MZT2A: variants seen among roughly 807,000 people sequenced by gnomAD.
The protein encoded by MZT2A is mitotic-spindle organizing protein 2A.
In MZT2A, 8 loss-of-function variants were observed where a neutral mutation model predicts 12.4. The observed-to-expected ratio is 0.64, with a 90% CI of 0.38 to 1.16. MZT2A has a LOEUF of 1.16. Ranked by LOEUF, MZT2A falls within the 50% of genes most tolerant of loss-of-function variation. The pLI is 0.01. For missense variants in MZT2A, 181 were observed against 223.6 expected, an observed-to-expected ratio of 0.81 and a Z score of 1.22; for synonymous variants, 88 against 107.5, an observed-to-expected ratio of 0.82 and a Z score of 1.12.
At chr2:131,491,650 C>G in intron 2 of MZT2A, 2 of 775,732 alleles carry the variant, frequency 2.6e-6, no homozygotes, top group Non-Finnish European at 4.0e-6. Flanking sequence ...CCAGCCTGGA[C>G]CACCCTGGGG....
At chr2:131,479,909 G>C (rs1271504246), downstream of MZT2A, among the ~76,000 whole-genome samples, 1 of 152,160 alleles carries the variant, frequency 6.6e-6, no homozygotes, top group Non-Finnish European at 1.5e-5. Flanking sequence ...TTTGTCCGTA[G>C]ATCTTTGCTT....
At chr2:131,480,145 C>T, downstream of MZT2A, 1 of 1,613,862 alleles carries the variant, frequency 6.2e-7, no homozygotes, top group Non-Finnish European at 8.5e-7. Context: ...GGGTTCGCAT[C>T]TCTGCTCATG....
At chr2:131,481,624 G>A (rs1678869790), downstream of MZT2A, among the ~76,000 whole-genome samples, 1 of 151,966 alleles carries the variant, frequency 6.6e-6, no homozygotes, top group African/African-American at 2.4e-5. Flanking sequence ...TAGTAGAGAT[G>A]GGATTTTGCC....
Position 131,492,224 on chromosome 2 carries a change from G to A in MZT2A, c.153C>T (p.Ile51=). The change falls in exon 1 of 3, where the codon ATC becomes ATT. Residue 51 remains isoleucine, a synonymous_variant. Transcript: ENST00000309451. The stretch of plus-strand genomic sequence containing the variant: ...CCGCTCACTTGAACACGTCGGGGTC[G>A]ATACCGCCGCCCGCCGCCTGAGCCA... ...YELAQAAGGG[I]DPDVFKILVD... is the part of the protein sequence containing the mutation. 6.3e-7 allele frequency: 1 copy of A among 1,582,262 alleles called. No individual in the cohort carries two copies. Among genetic ancestry groups the A allele is most frequent in the African/African-American group, 1.3e-5 (1 of 74,144 alleles).
At chr2:131,481,984 T>G (rs1394079427), downstream of MZT2A, among the ~76,000 whole-genome samples, 1 of 152,244 alleles carries the variant, frequency 6.6e-6, no homozygotes, top group Non-Finnish European at 1.5e-5. Flanking sequence ...GCTTCCCCTT[T>G]GGTTACCACC....
At chr2:131,486,859 A>G (rs1475837199) in intron 2 of MZT2A, among the ~76,000 whole-genome samples, 2 of 152,170 alleles carry the variant, frequency 1.3e-5, no homozygotes, top group Non-Finnish European at 2.9e-5. Context: ...ACCGTAAGCC[A>G]TAACTGATAT....
intron 2 of MZT2A, among the ~76,000 whole-genome samples, chr2:131,487,067 T>C (rs1679079268): frequency 1.3e-5 from 2 of 152,124 alleles, no homozygotes; most frequent in South Asian, 4.1e-4. Context: ...GACAGTGGGA[T>C]TGAACCAAGT....
intron 2 of MZT2A, among the ~76,000 whole-genome samples, chr2:131,486,128 G>A (rs1045093748): frequency 6.6e-6 from 1 of 150,892 alleles, no homozygotes; most frequent in Non-Finnish European, 1.5e-5. Context: ...CCAAGGAGGA[G>A]CGCAGTCAGG....
At chr2:131,476,401 A>G (rs1450941116) in intron 2 of MZT2A, among the ~76,000 whole-genome samples, 1 of 152,156 alleles carries the variant, frequency 6.6e-6, no homozygotes, top group East Asian at 1.9e-4. Flanking sequence ...TTTGTTTTAG[A>G]TGAAGCTGCC....
upstream of MZT2A, chr2:131,492,463 TGG>T (rs1344104718): frequency 8.6e-7 from 1 of 1,166,810 alleles, no homozygotes; most frequent in African/African-American, 1.6e-5. Context: ...CGCCAGCGTC[TGG>T]CCTCCCGGGC....
intron 2 of MZT2A, chr2:131,490,148 C>T (rs1679230013): frequency 5.8e-6 from 4 of 687,842 alleles, no homozygotes; most frequent in Non-Finnish European, 3.6e-6. Context: ...ACCAAAGACC[C>T]CTGGGCTCTC....
chr2:131,481,434 A>C (rs1678862148), downstream of MZT2A, among the ~76,000 whole-genome samples: 1 of 111,600 alleles, frequency 9.0e-6, no homozygotes, highest in African/African-American at 4.8e-5. Flanking sequence ...ATGCCCGGGT[A>C]ATTTTTTTTT....
chr2:131,487,881 C>T (rs1342045857), intron 2 of MZT2A, among the ~76,000 whole-genome samples: 1 of 152,208 alleles, frequency 6.6e-6, no homozygotes, highest in Non-Finnish European at 1.5e-5. Context: ...ATCCTCCAAC[C>T]TCAGCCTCCC....
chr2:131,479,799 T>C (rs7424497), downstream of MZT2A, among the ~76,000 whole-genome samples: 25,825 of 152,000 alleles, frequency 0.17, 3,997 homozygotes, highest in African/African-American at 0.41. Context: ...GAGATTGCAC[T>C]ACTGCACTCT....
chr2:131,487,270 A>G (rs1325169532), intron 2 of MZT2A, among the ~76,000 whole-genome samples: 1 of 152,174 alleles, frequency 6.6e-6, no homozygotes, highest in Non-Finnish European at 1.5e-5. Flanking sequence ...CTTTGAGGCC[A>G]GGAGCTAGAG....
upstream of MZT2A, chr2:131,492,553 C>A: frequency 8.8e-7 from 1 of 1,140,392 alleles, no homozygotes; most frequent in Non-Finnish European, 1.1e-6. Context: ...TTAGTGGGCG[C>A]TCACGGTGTG....
upstream of MZT2A, chr2:131,492,946 C>T (rs1679410050): frequency 1.4e-5 from 22 of 1,525,058 alleles, 1 homozygote; most frequent in South Asian, 1.7e-4. Context: ...CTCGCCATTT[C>T]CCCTCCCTGG....
At chr2:131,482,874 T>G, downstream of MZT2A, 1 of 1,601,650 alleles carries the variant, frequency 6.2e-7, no homozygotes. Context: ...GGTTCTCCCC[T>G]GCCACCCCCG....
intron 2 of MZT2A, among the ~76,000 whole-genome samples, chr2:131,477,163 G>A (rs1678703183): frequency 6.6e-6 from 1 of 151,444 alleles, no homozygotes; most frequent in Non-Finnish European, 1.5e-5. Flanking sequence ...TCAGCCTTCC[G>A]AGTAGCTGGT....
Sources: gnomAD v4.1 joint callset for allele counts (sites outside exome capture counted in the v4.1 genomes callset) on GRCh38, gnomAD v4.1.1 for gene constraint, MANE v1.5 for transcripts, NCBI Gene and HGNC (gene_info 2026-07-23, HGNC 2026-07-21) for gene names.